The following CGGBP1 variants were observed in gnomAD, a reference collection of about 807,000 sequenced individuals.
CGGBP1 encodes CGG triplet repeat binding protein 1, also known as CGG triplet repeat-binding protein 1.
CGGBP1 carries 4 observed loss-of-function variants against 11.4 expected under a neutral mutation model. That is an observed-to-expected ratio of 0.35 (90% CI 0.17 to 0.80). The LOEUF (loss-of-function observed/expected upper bound fraction) is 0.80, where lower values mean the gene tolerates loss of function less well. CGGBP1 is among the 30% of genes least tolerant of loss of function. The probability of loss-of-function intolerance (pLI) is 0.52; values close to 1 mark genes in which losing one functional copy is unlikely to be tolerated. For missense variants in CGGBP1, 135 were observed against 202.1 expected (o/e 0.67, Z 2.01); for synonymous variants, 76 against 74.1 (o/e 1.03, Z -0.13).
chr3:88,069,986 G>A (rs1176010476), intron 2 of CGGBP1, among the ~76,000 whole-genome samples: 3 of 152,062 alleles, frequency 2.0e-5, no homozygotes, highest in South Asian at 4.2e-4. Flanking sequence ...TTTATCTGTC[G>A]TACTGTCATT....
intron 2 of CGGBP1, among the ~76,000 whole-genome samples, chr3:88,102,508 T>C (rs1479646188): frequency 6.6e-6 from 1 of 152,234 alleles, no homozygotes; most frequent in Admixed American, 6.5e-5. Flanking sequence ...GTGATGAAGG[T>C]CTTTTTGTGT....
At chr3:88,056,635 C>T (rs562737457) in intron 3 of CGGBP1, 2 of 152,196 alleles carry the variant, frequency 1.3e-5, no homozygotes, top group Non-Finnish European at 2.9e-5. Context: ...TGTATACCTC[C>T]GTTTTCCAAA....
At chr3:88,083,941 T>TTATATATATATATATATA (rs78670676) in intron 2 of CGGBP1, among the ~76,000 whole-genome samples, 1,646 of 147,406 alleles carry the variant, frequency 0.011, 26 homozygotes, top group Non-Finnish European at 0.018. Flanking sequence ...TGTACTTATT[T>TTATATATATATATATATA]TATATATATA....
At chr3:88,129,345 A>AT (rs397990478) in intron 2 of CGGBP1, among the ~76,000 whole-genome samples, 11 of 149,902 alleles carry the variant, frequency 7.3e-5, no homozygotes, top group African/African-American at 2.7e-4. Context: ...AAAAAAAAAA[A>AT]CCCAAGAAGC....
At chr3:88,066,186 G>C (rs1297468632) in intron 2 of CGGBP1, among the ~76,000 whole-genome samples, 1 of 152,160 alleles carries the variant, frequency 6.6e-6, no homozygotes, top group Non-Finnish European at 1.5e-5. Flanking sequence ...GACCAATGAG[G>C]TTCTAAACTT....
At chr3:88,101,564 T>C (rs1451045961) in intron 2 of CGGBP1, among the ~76,000 whole-genome samples, 1 of 152,156 alleles carries the variant, frequency 6.6e-6, no homozygotes. Flanking sequence ...AGTATATGGA[T>C]ATATTATATT....
At chr3:88,135,816 A>T (rs1474208850) in intron 2 of CGGBP1, among the ~76,000 whole-genome samples, 1 of 152,138 alleles carries the variant, frequency 6.6e-6, no homozygotes, top group Non-Finnish European at 1.5e-5. Context: ...TATCAATAAG[A>T]CTTCGAGTAT....
In CGGBP1 at chr3:88,099,918, G is replaced by A. The variant is rs1356969904; in HGVS notation, c.-229+41052C>T. 3.9e-5 allele frequency among the ~76,000 whole-genome samples: 6 copies of A among 152,252 alleles called. No individual in the cohort carries two copies. The South Asian group carries it at 1.0e-3, about 26-fold the overall frequency. On this transcript the variant is annotated intron_variant, in intron 2 of 3. Transcript: ENST00000462901. ...CCATTGAGGACATAGGCATGGGCAA[G>A]GACTTCATGACTAAAACACCAAAGG...
At chr3:88,140,748 C>A in intron 2 of CGGBP1, 1 of 1,613,682 alleles carries the variant, frequency 6.2e-7, no homozygotes, top group East Asian at 2.2e-5. Context: ...ATCTCAGGCA[C>A]CTTCCAAACC....
At chr3:88,146,721 A>G (rs1707319626) in intron 1 of CGGBP1, among the ~76,000 whole-genome samples, 1 of 152,142 alleles carries the variant, frequency 6.6e-6, no homozygotes, top group African/African-American at 2.4e-5. Flanking sequence ...TGTCACTACT[A>G]TTCCCGTTTT....
At chr3:88,059,197 G>GC, upstream of CGGBP1, 2 of 1,440,230 alleles carry the variant, frequency 1.4e-6, no homozygotes, top group East Asian at 2.6e-5. Context: ...CAGCCGAGAG[G>GC]CCCCTGTCCG....
chr3:88,108,080 T>A (rs1423387010), intron 2 of CGGBP1, among the ~76,000 whole-genome samples: 1 of 152,144 alleles, frequency 6.6e-6, no homozygotes, highest in Non-Finnish European at 1.5e-5. Context: ...TTTGTTTTTG[T>A]CAGGTGCCTG....
intron 2 of CGGBP1, among the ~76,000 whole-genome samples, chr3:88,094,484 T>G (rs1380197787): frequency 6.6e-6 from 1 of 152,066 alleles, no homozygotes; most frequent in Admixed American, 6.6e-5. Context: ...CCACCTACAT[T>G]AGTATTTATA....
chr3:88,085,992 T>C (rs1350301342), intron 2 of CGGBP1, among the ~76,000 whole-genome samples: 1 of 152,198 alleles, frequency 6.6e-6, no homozygotes, highest in Non-Finnish European at 1.5e-5. Flanking sequence ...GTAAAGGGCA[T>C]TAGTTAACAA....
At chr3:88,072,559 T>C (rs1012715818) in intron 2 of CGGBP1, among the ~76,000 whole-genome samples, 3 of 152,222 alleles carry the variant, frequency 2.0e-5, no homozygotes, top group Admixed American at 6.5e-5. Context: ...TTCATTTGGA[T>C]ATTATATAGT....
intron 2 of CGGBP1, among the ~76,000 whole-genome samples, chr3:88,065,915 A>G (rs1457440379): frequency 3.9e-5 from 6 of 152,096 alleles, no homozygotes; most frequent in Non-Finnish European, 7.4e-5. Context: ...TTGTAGTTTT[A>G]GTAGAGACGA....
intron 2 of CGGBP1, among the ~76,000 whole-genome samples, chr3:88,085,598 A>G (rs370537975): frequency 5.3e-5 from 8 of 152,340 alleles, no homozygotes; most frequent in African/African-American, 1.9e-4. Flanking sequence ...TGTTTCTAAA[A>G]TGTTTTCTCA....
chr3:88,120,526 A>C (rs996973447), intron 2 of CGGBP1, among the ~76,000 whole-genome samples: 3 of 152,178 alleles, frequency 2.0e-5, no homozygotes, highest in Non-Finnish European at 4.4e-5. Flanking sequence ...GAAGCAAATC[A>C]GGAGATGGTG....
At chr3:88,083,178 C>A (rs922674574) in intron 2 of CGGBP1, among the ~76,000 whole-genome samples, 3 of 152,146 alleles carry the variant, frequency 2.0e-5, no homozygotes, top group Non-Finnish European at 2.9e-5. Flanking sequence ...CAAATACAGT[C>A]CCATCGGGGG....
Sources: allele counts gnomAD v4.1 joint callset (sites outside exome capture counted in the v4.1 genomes callset), GRCh38; gene constraint gnomAD v4.1.1; transcripts MANE v1.5; gene names NCBI Gene and HGNC (gene_info 2026-07-23, HGNC 2026-07-21).